IMMP2L: variants seen among roughly 807,000 people sequenced by gnomAD.
IMMP2L encodes the protein mitochondrial inner membrane protease subunit 2.
Under a neutral mutation model 19.3 loss-of-function variants are expected in IMMP2L, and 18 were observed. The ratio of observed to expected loss-of-function variants is 0.93; its 90% CI spans 0.64 to 1.38. The LOEUF (loss-of-function observed/expected upper bound fraction) is 1.38. Among genes scored for constraint, IMMP2L ranks in the 40% most tolerant of loss-of-function variants. IMMP2L has a pLI of 0.00. For missense variants in IMMP2L, 233 were observed against 218.2 expected (o/e 1.07, Z -0.43); for synonymous variants, 76 against 73.0 (o/e 1.04, Z -0.21).
intron 4 of IMMP2L, among the ~76,000 whole-genome samples, chr7:110,933,826 G>T (rs1229437620): frequency 6.6e-6 from 1 of 152,066 alleles, no homozygotes; most frequent in Non-Finnish European, 1.5e-5. Context: ...CACAGAAAAA[G>T]AAAGACAATA....
At chr7:111,478,182 C>T (rs2132171093) in intron 3 of IMMP2L, among the ~76,000 whole-genome samples, 1 of 152,130 alleles carries the variant, frequency 6.6e-6, no homozygotes, top group East Asian at 1.9e-4. Context: ...TTATTCCTCC[C>T]ATGCACTATT....
At chr7:110,889,599 A>G (rs1006052410) in intron 4 of IMMP2L, among the ~76,000 whole-genome samples, 1 of 152,176 alleles carries the variant, frequency 6.6e-6, no homozygotes, top group African/African-American at 2.4e-5. Context: ...CCCAGTTCCT[A>G]ACAGGCCACA....
In IMMP2L at chr7:110,818,299, C is replaced by T. The variant is rs569404911; in HGVS notation, c.408+68294G>A. Among the ~76,000 whole-genome samples the T allele has an allele frequency of 5.9e-5, 9 of 152,190 alleles. No individual in the cohort carries two copies. In the South Asian group the frequency reaches 6.2e-4, roughly 11 times the overall value. On this transcript the variant is annotated intron_variant, in intron 5 of 5. Transcript: ENST00000405709. The stretch of plus-strand genomic sequence containing the variant: ...ACAAACAACCCCATCAACAAGTGGG[C>T]GAAGGATATGAACACACAATTCTCA...
chr7:111,052,034 C>A (rs1793053849), intron 3 of IMMP2L, among the ~76,000 whole-genome samples: 1 of 152,156 alleles, frequency 6.6e-6, no homozygotes. Flanking sequence ...AAATAGAGGT[C>A]ATCAGAATGA....
At chr7:111,004,440 A>C (rs1422146515) in intron 3 of IMMP2L, among the ~76,000 whole-genome samples, 2 of 152,106 alleles carry the variant, frequency 1.3e-5, no homozygotes, top group African/African-American at 4.8e-5. Flanking sequence ...GCTGTGATTA[A>C]AGGCATGAAA....
intron 1 of IMMP2L, among the ~76,000 whole-genome samples, chr7:111,522,926 C>CATATAT (rs148789480): frequency 1.5e-5 from 2 of 134,868 alleles, no homozygotes; most frequent in African/African-American, 6.3e-5. Flanking sequence ...ATGTGAGATA[C>CATATAT]ATATATATAT....
intron 3 of IMMP2L, among the ~76,000 whole-genome samples, chr7:111,393,170 G>A (rs1832538413): frequency 6.6e-6 from 1 of 152,000 alleles, no homozygotes; most frequent in African/African-American, 2.4e-5. Context: ...GGCCCACCAA[G>A]AATAACCTCA....
At chr7:111,051,458 T>C (rs1793001469) in intron 3 of IMMP2L, among the ~76,000 whole-genome samples, 1 of 152,184 alleles carries the variant, frequency 6.6e-6, no homozygotes, top group Non-Finnish European at 1.5e-5. Context: ...GTCACATCTA[T>C]TCTTATTATC....
chr7:110,693,843 G>A (rs1200314114), intron 5 of IMMP2L, among the ~76,000 whole-genome samples: 1 of 152,158 alleles, frequency 6.6e-6, no homozygotes, highest in Non-Finnish European at 1.5e-5. Flanking sequence ...TTTTGTTGTT[G>A]TTGTTGTTAA....
chr7:111,031,462 A>T (rs1239079903), intron 3 of IMMP2L, among the ~76,000 whole-genome samples: 1 of 151,762 alleles, frequency 6.6e-6, no homozygotes, highest in Non-Finnish European at 1.5e-5. Context: ...CACCAAAGCC[A>T]ACTAAAACAG....
At chr7:110,841,586 T>C (rs1805093648) in intron 5 of IMMP2L, among the ~76,000 whole-genome samples, 1 of 152,154 alleles carries the variant, frequency 6.6e-6, no homozygotes, top group African/African-American at 2.4e-5. Context: ...CTTTCTTTTA[T>C]CATAATAGAT....
At chr7:111,349,448 CAA>C (rs1827917333) in intron 3 of IMMP2L, among the ~76,000 whole-genome samples, 1 of 152,092 alleles carries the variant, frequency 6.6e-6, no homozygotes, top group Non-Finnish European at 1.5e-5. Context: ...AATTTTTGAG[CAA>C]AGTTTAACCA....
chr7:110,670,496 C>T (rs1016925876), intron 5 of IMMP2L, among the ~76,000 whole-genome samples: 9 of 152,036 alleles, frequency 5.9e-5, no homozygotes, highest in Admixed American at 6.6e-5. Context: ...TCGAGACCAG[C>T]CTGGCCAACA....
At chr7:111,113,915 C>A (rs903034441) in intron 3 of IMMP2L, among the ~76,000 whole-genome samples, 1 of 152,198 alleles carries the variant, frequency 6.6e-6, no homozygotes, top group African/African-American at 2.4e-5. Context: ...CCAAAACTTA[C>A]GAGAGAATAA....
chr7:111,034,555 T>C (rs1371500500), intron 3 of IMMP2L, among the ~76,000 whole-genome samples: 1 of 152,100 alleles, frequency 6.6e-6, no homozygotes, highest in African/African-American at 2.4e-5. Context: ...TATCCTTCCC[T>C]CCACCTATCT....
chr7:111,331,343 G>T (rs772025301), intron 3 of IMMP2L, among the ~76,000 whole-genome samples: 2 of 151,862 alleles, frequency 1.3e-5, no homozygotes, highest in African/African-American at 2.4e-5. Flanking sequence ...CAAATATCAC[G>T]TTCTCACTTA....
At chr7:110,779,602 T>G (rs959530674) in intron 5 of IMMP2L, among the ~76,000 whole-genome samples, 3 of 151,874 alleles carry the variant, frequency 2.0e-5, no homozygotes, top group Non-Finnish European at 2.9e-5. Context: ...ATGCACAGAT[T>G]TGTGGTATTT....
intron 3 of IMMP2L, among the ~76,000 whole-genome samples, chr7:111,347,854 T>A (rs1035937026): frequency 6.6e-6 from 1 of 152,084 alleles, no homozygotes; most frequent in Non-Finnish European, 1.5e-5. Context: ...TCCTCTTTCA[T>A]AAATGAAATT....
At chr7:111,012,141 G>A (rs1255070430) in intron 3 of IMMP2L, among the ~76,000 whole-genome samples, 1 of 152,040 alleles carries the variant, frequency 6.6e-6, no homozygotes, top group Non-Finnish European at 1.5e-5. Context: ...GCAGATCAAA[G>A]GTACAGGGAT....
Sources: allele counts gnomAD v4.1 joint callset (sites outside exome capture counted in the v4.1 genomes callset), GRCh38; gene constraint gnomAD v4.1.1; transcripts MANE v1.5; gene names NCBI Gene and HGNC (gene_info 2026-07-23, HGNC 2026-07-21).